Variants in TSG101 observed in about 807,000 individuals in gnomAD.
TSG101 encodes tumor susceptibility 101, also known as tumor susceptibility gene 101 protein.
Under a neutral mutation model 48.5 loss-of-function variants are expected in TSG101, and 19 were observed. The observed-to-expected ratio is 0.39, with a 90% CI of 0.27 to 0.58. The LOEUF (loss-of-function observed/expected upper bound fraction) is 0.58, where lower values mean the gene tolerates loss of function less well. Among genes scored for constraint, TSG101 ranks in the 20% least tolerant of loss-of-function variants. The pLI, the probability that TSG101 is intolerant of heterozygous loss-of-function variation, is 0.55. For missense variants in TSG101, 365 were observed against 484.4 expected (o/e 0.75, Z 2.31); for synonymous variants, 174 against 169.4 (o/e 1.03, Z -0.21).
chr11:18,516,004 TGAGA>T, intron 3 of TSG101, 91 bp downstream of exon 3: 1 of 1,098,032 alleles, frequency 9.1e-7, no homozygotes, highest in Non-Finnish European at 1.3e-6. Context: ...ATCAAAGCCC[TGAGA>T]AAGTAGGTTT....
At chr11:18,500,591 G>T (rs11024689) in intron 7 of TSG101, among the ~76,000 whole-genome samples, 24,744 of 151,892 alleles carry the variant, frequency 0.16, 2,610 homozygotes, top group East Asian at 0.41. Context: ...GTGATATTGA[G>T]CATTTTTTCA....
Position 18,495,417 on chromosome 11 carries a change from A to G in TSG101, c.640+7069T>C, listed in dbSNP as rs144902515. Among the ~76,000 whole-genome samples the G allele has an allele frequency of 5.9e-3, 898 of 152,324 alleles. 9 individuals are homozygous for G. Among genetic ancestry groups the G allele is most frequent in the African/African-American group, 0.021 (866 of 41,568 alleles). Reference sequence around the variant, plus strand: ...AGTCAACCTTCAAAAGAGAACTTTCACCACTGCTGAGACTGGAGTAAGGAA... The same window carrying G: ...AGTCAACCTTCAAAAGAGAACTTTCGCCACTGCTGAGACTGGAGTAAGGAA... On this transcript the variant is annotated intron_variant, in intron 7 of 9. Transcript: ENST00000251968.
At chr11:18,490,097 T>C (rs1405213552) in intron 7 of TSG101, 1 of 174,206 alleles carries the variant, frequency 5.7e-6, no homozygotes, top group African/African-American at 2.4e-5. Flanking sequence ...ACACCAGCTG[T>C]TTATCCCATG....
In TSG101 at chr11:18,519,471, G is replaced by C. The variant is rs771325715; in HGVS notation, c.127+48C>G. 2.5e-5 allele frequency: 35 copies of C among 1,419,062 alleles called. No individual in the cohort carries two copies. The South Asian group carries it at 4.2e-4, about 17-fold the overall frequency. The allele number at this position is 1,419,062 out of a possible 1,614,324, so 87.9% of individuals were successfully genotyped here. ...AAAAAATTACAATCATTAACAAAGA[G>C]AGTAAACTCAAAGTATAGAAATTGC... On this transcript the variant is annotated intron_variant, in intron 2 of 9. Coordinates refer to ENST00000251968, the MANE Select transcript of TSG101 (RefSeq NM_006292.4).
chr11:18,481,459 T>TACTC (rs1849538591), intron 9 of TSG101, 171 bp downstream of exon 9: 4 of 1,415,478 alleles, frequency 2.8e-6, no homozygotes, highest in Admixed American at 2.9e-5. Context: ...CAATCCTCAG[T>TACTC]ACTCTGTAGG....
chr11:18,484,289 C>G (rs577931344), intron 7 of TSG101, among the ~76,000 whole-genome samples: 1 of 152,298 alleles, frequency 6.6e-6, no homozygotes, highest in Non-Finnish European at 1.5e-5. Flanking sequence ...CCATGTTAAA[C>G]CCAGTTTCCC....
chr11:18,513,252 G>A (rs1288175719), intron 4 of TSG101, among the ~76,000 whole-genome samples: 3 of 151,934 alleles, frequency 2.0e-5, no homozygotes, highest in African/African-American at 7.3e-5. Context: ...TGAAGCTCAG[G>A]AATTCAACAT....
intron 1 of TSG101, among the ~76,000 whole-genome samples, chr11:18,522,831 G>C (rs554637928): frequency 6.6e-6 from 1 of 152,212 alleles, no homozygotes; most frequent in African/African-American, 2.4e-5. Flanking sequence ...ACAAACTTCT[G>C]TCTATGAGTC....
intron 4 of TSG101, among the ~76,000 whole-genome samples, chr11:18,512,042 C>T (rs78762001): frequency 0.015 from 2,329 of 152,096 alleles, 69 homozygotes; most frequent in African/African-American, 0.054. Flanking sequence ...ACACTAAATT[C>T]TTTGAAGAAA....
chr11:18,502,499 A>G lies in TSG101; in HGVS notation c.627T>C (p.Pro209=). 6.2e-7 allele frequency: 1 copy of G among 1,613,140 alleles called. No individual in the cohort carries two copies. Among genetic ancestry groups the G allele is most frequent in the Non-Finnish European group, 8.5e-7 (1 of 1,179,494 alleles). The part of the protein sequence containing the change: ...TTSSQYPSQP[P]VTTVGPSRDG... ...AAGGGTACTTACCAACAGTGGTCAC[A>G]GGAGGCTGAGAAGGGTACTGAGAAC... Residue 209 remains proline, a synonymous_variant, in exon 7 of 10, where the codon CCT becomes CCC. Coordinates refer to ENST00000251968, the MANE Select transcript of TSG101 (RefSeq NM_006292.4).
At chr11:18,520,014 C>G (rs546369505) in intron 1 of TSG101, among the ~76,000 whole-genome samples, 1 of 152,310 alleles carries the variant, frequency 6.6e-6, no homozygotes, top group South Asian at 2.1e-4. Flanking sequence ...TAATCAACTT[C>G]AGAACATTTT....
intron 4 of TSG101, 115 bp from the exon 5 acceptor site, chr11:18,509,780 C>T (rs997484893): frequency 4.5e-6 from 5 of 1,121,296 alleles, no homozygotes; most frequent in African/African-American, 3.1e-5. Flanking sequence ...TTTGTAGGAC[C>T]CCAATCATGA....
chr11:18,483,027 C>T (rs113923850), intron 8 of TSG101, among the ~76,000 whole-genome samples: 4 of 150,870 alleles, frequency 2.7e-5, no homozygotes, highest in African/African-American at 4.9e-5. Flanking sequence ...GACCTGTGTG[C>T]GTGTGTGTGT....
At chr11:18,490,321 G>A in intron 7 of TSG101, 1 of 593,696 alleles carries the variant, frequency 1.7e-6, no homozygotes, top group South Asian at 1.4e-5. Context: ...TGCATGATCA[G>A]AGTGCTGTCT....
At chr11:18,480,805 C>T (rs950668267) in intron 9 of TSG101, among the ~76,000 whole-genome samples, 170 bp from the exon 10 acceptor site, 5 of 152,200 alleles carry the variant, frequency 3.3e-5, no homozygotes, top group African/African-American at 1.2e-4. Context: ...ATTATAAAGG[C>T]TTACTCAACA....
chr11:18,501,281 T>C (rs1849882476), intron 7 of TSG101, among the ~76,000 whole-genome samples: 1 of 152,220 alleles, frequency 6.6e-6, no homozygotes, highest in African/African-American at 2.4e-5. Context: ...CCATCTCAAG[T>C]TGATTTTTGT....
chr11:18,493,030 A>T (rs1159080531), intron 7 of TSG101, among the ~76,000 whole-genome samples: 1 of 152,212 alleles, frequency 6.6e-6, no homozygotes, highest in East Asian at 1.9e-4. Context: ...CTGCTATAAC[A>T]AGAATAAGAA....
In TSG101 at chr11:18,480,642, G is replaced by T. The variant is rs1271819865; in HGVS notation, c.1084-7C>A. ...GGGACAGAAGACGTACATGCTGGGA[G>T]GGGAGAAAAGTTTGAATAGTTTAGA... On this transcript the variant is annotated splice_region_variant and splice_polypyrimidine_tract_variant and intron_variant, in intron 9 of 9. Transcript: ENST00000251968. 1.2e-6 allele frequency: 2 copies of T among 1,612,764 alleles called. No homozygotes were observed. The highest frequency in any genetic ancestry group is 4.5e-5 in the East Asian group (2 of 44,868).
chr11:18,482,070 G>A (rs1178785697), intron 8 of TSG101, among the ~76,000 whole-genome samples: 1 of 152,188 alleles, frequency 6.6e-6, no homozygotes, highest in African/African-American at 2.4e-5. Flanking sequence ...AGTAATGATG[G>A]AGATATCCTG....
Sources: gnomAD v4.1 joint callset for allele counts (sites outside exome capture counted in the v4.1 genomes callset) on GRCh38, gnomAD v4.1.1 for gene constraint, MANE v1.5 for transcripts, NCBI Gene and HGNC (gene_info 2026-07-23, HGNC 2026-07-21) for gene names.